Variants in CCP110 observed in about 807,000 individuals in gnomAD.
CCP110 encodes the protein centriolar coiled-coil protein of 110 kDa.
Under a neutral mutation model 105.5 loss-of-function variants are expected in CCP110, and 43 were observed. The ratio of observed to expected loss-of-function variants is 0.41; its 90% CI spans 0.32 to 0.53. The LOEUF is 0.53. CCP110 is among the 20% of genes least tolerant of loss of function. CCP110 has a pLI of 0.32. For synonymous variants in CCP110, 353 were observed against 392.1 expected (o/e 0.90, Z 1.18); for missense variants, 1,016 against 1,189.1 (o/e 0.85, Z 2.14).
At chr16:19,542,429 T>A (rs1970318969) in intron 6 of CCP110, among the ~76,000 whole-genome samples, 192 bp from the exon 7 acceptor site, 1 of 152,206 alleles carries the variant, frequency 6.6e-6, no homozygotes, top group Admixed American at 6.5e-5. Context: ...TCAATTATCC[T>A]GAGATGCTGT....
chr16:19,539,715 T>C (rs1160189718), intron 4 of CCP110, among the ~76,000 whole-genome samples: 1 of 152,020 alleles, frequency 6.6e-6, no homozygotes, highest in Admixed American at 6.6e-5. Context: ...GGGAGCCAAC[T>C]TGGATCCTCC....
rs537803910 is a variant in CCP110 at position 19,535,962 on chromosome 16, G to A, written c.293G>A (p.Ser98Asn). ...CAGGTTAGAAAAGCACCTAATGCCA[G>A]TGATTTTGATCAGTGGGAGATGGAA... Residue 98 changes from serine to asparagine, a missense_variant, in exon 4 of 15, where the codon AGT becomes AAT. By Grantham distance (46) the Ser-to-Asn change is conservative. Transcript: ENST00000381396. 4.4e-6 allele frequency: 7 copies of A among 1,592,292 alleles called. No individual in the cohort carries two copies. In the South Asian group the frequency reaches 5.7e-5, roughly 13 times the overall value.
chr16:19,527,562 T>C (rs1198537162), intron 1 of CCP110, among the ~76,000 whole-genome samples: 3 of 152,202 alleles, frequency 2.0e-5, no homozygotes, highest in Non-Finnish European at 1.5e-5. Context: ...AGTAAAGATT[T>C]ACAGAACTTT....
chr16:19,548,495 AT>A lies in CCP110; in HGVS notation c.2901-13del. ...AGACCTTAATGCCAGTGACTTATTA[AT>A]TTTTTTATATTCAATTAGAACCCCT... On this transcript the variant is annotated intron_variant, in intron 13 of 14. Transcript: ENST00000381396. The surrounding 1 kb of genome is among the most constrained non-coding windows in gnomAD (Gnocchi z 4.1). 1.4e-5 allele frequency: 20 copies of A among 1,472,960 alleles called. No individual in the cohort carries two copies. The highest frequency in any genetic ancestry group is 2.5e-5 in the South Asian group (2 of 78,490). The allele number at this position is 1,472,960 out of a possible 1,614,324, so 91.2% of individuals were successfully genotyped here. A position where few individuals can be genotyped will look rare whatever the true frequency, so the allele number is the denominator to read the frequency against.
At chr16:19,542,642 A>C in exon 7 of CCP110, 2 of 1,612,330 alleles carry the variant, frequency 1.2e-6, no homozygotes, top group Non-Finnish European at 1.7e-6. Flanking sequence ...TCTGCCATGC[A>C]ATATAGCTTT....
chr16:19,539,379 T>A (rs868790928), intron 4 of CCP110, among the ~76,000 whole-genome samples: 13 of 152,012 alleles, frequency 8.6e-5, no homozygotes, highest in Admixed American at 2.0e-4. Context: ...AATTTTTTTT[T>A]TTTGAGACAG....
intron 4 of CCP110, among the ~76,000 whole-genome samples, chr16:19,539,906 T>C (rs1482123593): frequency 1.3e-5 from 2 of 151,886 alleles, no homozygotes; most frequent in African/African-American, 4.8e-5. Flanking sequence ...TTCAAGCGAT[T>C]CTCCTGCTTC....
chr16:19,528,848 G>A lies in CCP110; in HGVS notation c.141+826G>A, dbSNP rs560499903. Among the ~76,000 whole-genome samples the A allele has an allele frequency of 2.0e-5, 3 of 152,194 alleles. No individual in the cohort carries two copies. In the East Asian group the frequency reaches 5.8e-4, roughly 29 times the overall value. Reference sequence around the variant, plus strand: ...AGGAGTTGCAGGCTGCAGTGAGTCAGGATTGCATCATTGCCTGGACTACAG... The same window carrying A: ...AGGAGTTGCAGGCTGCAGTGAGTCAAGATTGCATCATTGCCTGGACTACAG... On this transcript the variant is annotated intron_variant, in intron 2 of 14. Coordinates refer to ENST00000381396, the Ensembl canonical transcript of CCP110.
At chr16:19,541,326 A>G (rs749729451) in intron 5 of CCP110, among the ~76,000 whole-genome samples, 52 of 152,082 alleles carry the variant, frequency 3.4e-4, no homozygotes, top group Non-Finnish European at 6.5e-4. Flanking sequence ...TAATTTAACT[A>G]TACATTATCA....
exon 4 of CCP110, chr16:19,536,795 C>T: frequency 6.2e-7 from 1 of 1,614,128 alleles, no homozygotes; most frequent in Non-Finnish European, 8.5e-7. Flanking sequence ...TCCTAAAATG[C>T]ACCGAAGACG....
chr16:19,535,439 T>G (rs1970017189), intron 3 of CCP110, among the ~76,000 whole-genome samples: 1 of 152,188 alleles, frequency 6.6e-6, no homozygotes, highest in Admixed American at 6.5e-5. Flanking sequence ...TTTTGCTTAA[T>G]CAATGTCCTG....
chr16:19,543,300 G>A (rs1970352019), intron 8 of CCP110, among the ~76,000 whole-genome samples: 2 of 152,122 alleles, frequency 1.3e-5, no homozygotes, highest in Non-Finnish European at 2.9e-5. Context: ...CATAAATTGT[G>A]AAGATTTCAT....
intron 4 of CCP110, among the ~76,000 whole-genome samples, chr16:19,538,499 G>A (rs1008949390): frequency 2.6e-5 from 4 of 151,024 alleles, no homozygotes; most frequent in African/African-American, 9.7e-5. Flanking sequence ...TAGTAGAGAT[G>A]TGGTTTTGCC....
chr16:19,535,486 G>A (rs1302953457), intron 3 of CCP110, among the ~76,000 whole-genome samples: 2 of 152,092 alleles, frequency 1.3e-5, no homozygotes, highest in Non-Finnish European at 2.9e-5. Flanking sequence ...AATCGTTTAC[G>A]TAAGACATTT....
intron 5 of CCP110, among the ~76,000 whole-genome samples, chr16:19,541,384 GC>G (rs1280158554): frequency 1.3e-5 from 2 of 152,132 alleles, no homozygotes; most frequent in African/African-American, 4.8e-5. Context: ...TGTAATCCCA[GC>G]ACTTTGGGAG....
At chr16:19,534,033 T>C (rs1484978797) in intron 3 of CCP110, among the ~76,000 whole-genome samples, 1 of 152,156 alleles carries the variant, frequency 6.6e-6, no homozygotes, top group East Asian at 1.9e-4. Flanking sequence ...AGAGGTAGTA[T>C]TAAGAGAATT....
At chr16:19,527,269 T>C (rs561724763) in intron 1 of CCP110, 21 of 152,210 alleles carry the variant, frequency 1.4e-4, no homozygotes, top group Admixed American at 3.3e-4. Context: ...GGAGGATTGC[T>C]TGAGTCTCAG....
chr16:19,529,538 T>C (rs1444742658), intron 2 of CCP110, among the ~76,000 whole-genome samples: 1 of 152,220 alleles, frequency 6.6e-6, no homozygotes, highest in Non-Finnish European at 1.5e-5. Flanking sequence ...CTTTGCTTTA[T>C]TGTGTTTGTG....
At position 19,538,934 on chromosome 16, in the gene CCP110, A is replaced by G. The variant is rs9928282; in HGVS notation, c.1918+1347A>G. On this transcript the variant is annotated intron_variant, in intron 4 of 14. Coordinates refer to ENST00000381396, the Ensembl canonical transcript of CCP110. ...CGAGACCAAACTGACAAACATGGCG[A>G]AACCCCGTCTCTACTAAAAATACAA... 5.6e-3 allele frequency among the ~76,000 whole-genome samples: 851 copies of G among 152,056 alleles called. 10 individuals carry two copies. The highest frequency in any genetic ancestry group is 0.02 in the African/African-American group (817 of 41,502).
Sources: allele counts gnomAD v4.1 joint callset (sites outside exome capture counted in the v4.1 genomes callset), GRCh38; gene constraint gnomAD v4.1.1; non-coding constraint Gnocchi (gnomAD v3.1); transcripts MANE v1.5; gene names NCBI Gene and HGNC (gene_info 2026-07-23, HGNC 2026-07-21).